Variants in CLASP1 observed in about 807,000 individuals in gnomAD.
CLASP1 encodes the protein CLIP-associating protein 1.
CLASP1 carries 38 observed loss-of-function variants against 192.3 expected under a neutral mutation model. The ratio of observed to expected loss-of-function variants is 0.20; its 90% CI spans 0.15 to 0.26. CLASP1 has a LOEUF of 0.26. Among genes scored for constraint, CLASP1 ranks in the 10% least tolerant of loss-of-function variants. The pLI is 1.00. For missense variants in CLASP1, 1,433 were observed against 1,932.5 expected, an observed-to-expected ratio of 0.74 and a Z score of 4.85; for synonymous variants, 691 against 712.8, an observed-to-expected ratio of 0.97 and a Z score of 0.49.
At chr2:121,425,488 CATAAA>C (rs1310233257) in intron 21 of CLASP1, among the ~76,000 whole-genome samples, 182 bp from the exon 22 acceptor site, 1 of 151,976 alleles carries the variant, frequency 6.6e-6, no homozygotes, top group Non-Finnish European at 1.5e-5. Context: ...AATTGAATAT[CATAAA>C]AGAATATACT....
At chr2:121,342,385 TG>T (rs1368257015) in intron 39 of CLASP1, among the ~76,000 whole-genome samples, 10 of 152,208 alleles carry the variant, frequency 6.6e-5, no homozygotes, top group African/African-American at 2.4e-4. Flanking sequence ...CCCAAAGTGC[TG>T]GGATTACTAG....
At chr2:121,601,161 T>C (rs527300395) in intron 2 of CLASP1, among the ~76,000 whole-genome samples, 2 of 152,118 alleles carry the variant, frequency 1.3e-5, no homozygotes, top group East Asian at 1.9e-4. Context: ...AATATGCACA[T>C]AGAAAAAGTG....
intron 8 of CLASP1, chr2:121,490,176 A>AT: frequency 2.7e-6 from 1 of 368,342 alleles, no homozygotes. Flanking sequence ...TTCATCCATG[A>AT]TTTTTAGTTA....
At chr2:121,343,085 G>A (rs1220623477) in intron 39 of CLASP1, among the ~76,000 whole-genome samples, 1 of 152,086 alleles carries the variant, frequency 6.6e-6, no homozygotes. Context: ...TGCCAAGACC[G>A]TTTAATAGGG....
intron 39 of CLASP1, among the ~76,000 whole-genome samples, chr2:121,341,675 C>T (rs1320829089): frequency 6.6e-6 from 1 of 152,134 alleles, no homozygotes; most frequent in African/African-American, 2.4e-5. Flanking sequence ...ATCAAAAAAG[C>T]TTCTGGAGAT....
intron 1 of CLASP1, among the ~76,000 whole-genome samples, chr2:121,635,271 T>C (rs1007903895): frequency 1.3e-5 from 2 of 151,978 alleles, no homozygotes; most frequent in Admixed American, 6.6e-5. Context: ...GATTGACAAT[T>C]ACCTGGAAAG....
chr2:121,467,322 C>T (rs911408650), intron 9 of CLASP1, among the ~76,000 whole-genome samples: 1 of 152,152 alleles, frequency 6.6e-6, no homozygotes, highest in Admixed American at 6.6e-5. Flanking sequence ...TGGGTATATG[C>T]CCAATAATGG....
At chr2:121,419,368 T>C (rs1485524407) in intron 22 of CLASP1, among the ~76,000 whole-genome samples, 1 of 152,092 alleles carries the variant, frequency 6.6e-6, no homozygotes, top group African/African-American at 2.4e-5. Flanking sequence ...ATATAAAAAG[T>C]GGGGACTGTT....
At chr2:121,631,989 G>C (rs975316058) in intron 1 of CLASP1, among the ~76,000 whole-genome samples, 1 of 152,116 alleles carries the variant, frequency 6.6e-6, no homozygotes, top group African/African-American at 2.4e-5. Context: ...GGAGGCTGTA[G>C]TGAGCCGAGA....
intron 30 of CLASP1, 114 bp from the exon 32 acceptor site, chr2:121,388,020 T>C: frequency 1.3e-6 from 1 of 780,628 alleles, no homozygotes; most frequent in Admixed American, 3.0e-5. Flanking sequence ...GAGGGCATTC[T>C]AGGCATCAAA....
At chr2:121,377,986 T>C (rs1042623950) in intron 33 of CLASP1, among the ~76,000 whole-genome samples, 2 of 151,966 alleles carry the variant, frequency 1.3e-5, no homozygotes, top group African/African-American at 4.8e-5. Flanking sequence ...ATTTTGAAGA[T>C]GGAAAAAAGG....
intron 6 of CLASP1, among the ~76,000 whole-genome samples, chr2:121,523,782 C>T (rs147488306): frequency 1.3e-5 from 2 of 152,274 alleles, no homozygotes; most frequent in East Asian, 3.9e-4. Context: ...AAATTTGAGG[C>T]TCAGAAGCAA....
At chr2:121,491,143 T>C (rs2093283865) in intron 8 of CLASP1, among the ~76,000 whole-genome samples, 1 of 152,222 alleles carries the variant, frequency 6.6e-6, no homozygotes, top group Non-Finnish European at 1.5e-5. Context: ...TTTCAAGTTA[T>C]AGTTGTTTAA....
intron 18 of CLASP1, 150 bp from the exon 19 acceptor site, chr2:121,447,657 G>A: frequency 2.9e-6 from 2 of 680,390 alleles, no homozygotes; most frequent in Non-Finnish European, 4.9e-6. Flanking sequence ...AGTTTCTCCT[G>A]GTCCCTGAAG....
chr2:121,577,989 GT>G (rs1466978163), intron 2 of CLASP1, among the ~76,000 whole-genome samples: 1 of 152,162 alleles, frequency 6.6e-6, no homozygotes, highest in Admixed American at 6.5e-5. Context: ...CTAGAGGGCA[GT>G]GGTATGATCT....
chr2:121,503,801 T>C (rs1274026916), intron 7 of CLASP1: 1 of 152,230 alleles, frequency 6.6e-6, no homozygotes, highest in Non-Finnish European at 1.5e-5. Flanking sequence ...TTTCTATTAA[T>C]GGATCATTTC....
chr2:121,448,979 T>C (rs1377622152), exon 17 of CLASP1: 5 of 1,613,978 alleles, frequency 3.1e-6, no homozygotes, highest in South Asian at 1.1e-5. Context: ...AGCTGGAAGA[T>C]GAGCGGTCTG....
intron 25 of CLASP1, among the ~76,000 whole-genome samples, chr2:121,407,201 C>T (rs1274215876): frequency 2.4e-4 from 34 of 142,642 alleles, no homozygotes; most frequent in Non-Finnish European, 3.8e-4. Flanking sequence ...GGCAACAGAG[C>T]GAGATTCCAT....
chr2:121,578,643 A>G (rs1316357593), intron 2 of CLASP1, among the ~76,000 whole-genome samples: 1 of 151,316 alleles, frequency 6.6e-6, no homozygotes, highest in Non-Finnish European at 1.5e-5. Context: ...CAGGAGAATC[A>G]CTTGAACCAG....
Sources: gnomAD v4.1 joint callset for allele counts (sites outside exome capture counted in the v4.1 genomes callset) on GRCh38, gnomAD v4.1.1 for gene constraint, MANE v1.5 for transcripts, NCBI Gene and HGNC (gene_info 2026-07-23, HGNC 2026-07-21) for gene names.